MDGA2: variants seen among roughly 807,000 people sequenced by gnomAD.
MDGA2 encodes the protein MAM domain-containing glycosylphosphatidylinositol anchor protein 2.
Under a neutral mutation model 117.8 loss-of-function variants are expected in MDGA2, and 40 were observed. The observed-to-expected ratio is 0.34, with a 90% CI of 0.26 to 0.44. The LOEUF is 0.44. Among genes scored for constraint, MDGA2 ranks in the 20% least tolerant of loss-of-function variants. MDGA2 has a pLI of 1.00. For synonymous variants in MDGA2, 452 were observed against 439.0 expected, an observed-to-expected ratio of 1.03 and a Z score of -0.37; for missense variants, 1,123 against 1,250.6, an observed-to-expected ratio of 0.90 and a Z score of 1.54.
At chr14:47,197,857 C>T (rs1247745206) in intron 3 of MDGA2, among the ~76,000 whole-genome samples, 3 of 151,882 alleles carry the variant, frequency 2.0e-5, no homozygotes, top group African/African-American at 2.4e-5. Context: ...TGCAGTGAGC[C>T]GAGATTGCAC....
chr14:47,217,956 T>G, intron 3 of MDGA2, 65 bp downstream of exon 3: 1 of 1,310,412 alleles, frequency 7.6e-7, no homozygotes, highest in Non-Finnish European at 1.0e-6. Context: ...CAGAAAACCA[T>G]AGACTTGTAA....
At chr14:47,216,145 T>C (rs1045765629) in intron 3 of MDGA2, among the ~76,000 whole-genome samples, 1 of 152,094 alleles carries the variant, frequency 6.6e-6, no homozygotes, top group Non-Finnish European at 1.5e-5. Flanking sequence ...TACTGCAGAC[T>C]AGCAATGAAA....
chr14:47,258,913 T>A (rs538517799), intron 2 of MDGA2, among the ~76,000 whole-genome samples: 1 of 152,062 alleles, frequency 6.6e-6, no homozygotes, highest in African/African-American at 2.4e-5. Flanking sequence ...ACAAAAAGAA[T>A]ATACAGTGCC....
intron 1 of MDGA2, among the ~76,000 whole-genome samples, chr14:47,545,644 T>A (rs1467037273): frequency 6.6e-6 from 1 of 152,182 alleles, no homozygotes; most frequent in Non-Finnish European, 1.5e-5. Flanking sequence ...AAAACACATT[T>A]CAACTCTGTG....
chr14:46,955,133 A>G (rs1423185112), intron 9 of MDGA2, among the ~76,000 whole-genome samples: 1 of 152,080 alleles, frequency 6.6e-6, no homozygotes, highest in East Asian at 1.9e-4. Flanking sequence ...ACTGAAATGC[A>G]TGCTCCAGTT....
chr14:47,217,263 G>A (rs1594730574), intron 3 of MDGA2, among the ~76,000 whole-genome samples: 1 of 151,940 alleles, frequency 6.6e-6, no homozygotes, highest in Admixed American at 6.6e-5. Context: ...TCTTACATCA[G>A]AGACCTAAAA....
At chr14:47,157,820 C>G (rs924830304) in intron 3 of MDGA2, among the ~76,000 whole-genome samples, 49 of 152,200 alleles carry the variant, frequency 3.2e-4, no homozygotes, top group Admixed American at 2.4e-3. Flanking sequence ...GGGCTCCCCC[C>G]CTCACTCAGC....
chr14:47,267,552 T>G (rs1162989676), intron 2 of MDGA2, among the ~76,000 whole-genome samples: 1 of 152,152 alleles, frequency 6.6e-6, no homozygotes, highest in Admixed American at 6.5e-5. Context: ...AATAGAAACT[T>G]TGTCACAATA....
intron 2 of MDGA2, among the ~76,000 whole-genome samples, chr14:47,259,421 A>T (rs1887724439): frequency 6.6e-6 from 1 of 152,144 alleles, no homozygotes; most frequent in Admixed American, 6.6e-5. Flanking sequence ...TAAAATGTGT[A>T]CCAAAAAGAT....
intron 7 of MDGA2, among the ~76,000 whole-genome samples, chr14:47,041,444 G>C (rs1889065195): frequency 6.6e-6 from 1 of 151,956 alleles, no homozygotes. Flanking sequence ...CAATGTACTT[G>C]CTAGAAAAAG....
At chr14:47,234,996 G>A in intron 2 of MDGA2, among the ~76,000 whole-genome samples, 1 of 152,178 alleles carries the variant, frequency 6.6e-6, no homozygotes, top group East Asian at 1.9e-4. Flanking sequence ...TATAATTAGA[G>A]TATGTTGAAA....
intron 2 of MDGA2, among the ~76,000 whole-genome samples, chr14:47,224,822 A>G (rs1356821440): frequency 6.6e-6 from 1 of 152,228 alleles, no homozygotes; most frequent in Admixed American, 6.5e-5. Context: ...AGAGTTTATT[A>G]GAGTTTTCAA....
At chr14:47,287,196 C>A (rs72680302) in intron 2 of MDGA2, among the ~76,000 whole-genome samples, 13,845 of 151,984 alleles carry the variant, frequency 0.091, 781 homozygotes, top group Non-Finnish European at 0.11. Context: ...TTCACTCCCC[C>A]AAACAGCGTC....
intron 3 of MDGA2, among the ~76,000 whole-genome samples, chr14:47,194,284 T>C (rs1885211543): frequency 6.6e-6 from 1 of 152,134 alleles, no homozygotes; most frequent in African/African-American, 2.4e-5. Flanking sequence ...TCATTTCCCA[T>C]TTTTCTTCTG....
chr14:47,448,585 T>C (rs1893176498), intron 1 of MDGA2, among the ~76,000 whole-genome samples: 1 of 152,166 alleles, frequency 6.6e-6, no homozygotes, highest in Admixed American at 6.5e-5. Flanking sequence ...GTTGAAAGGG[T>C]GGTGTACCCT....
intron 1 of MDGA2, among the ~76,000 whole-genome samples, chr14:47,669,160 T>C (rs1898030076): frequency 6.6e-6 from 1 of 152,168 alleles, no homozygotes. Flanking sequence ...GAAAAGTTTA[T>C]TTGTACCCTG....
intron 1 of MDGA2, among the ~76,000 whole-genome samples, chr14:47,433,904 T>C (rs986603101): frequency 2.6e-5 from 4 of 152,134 alleles, no homozygotes; most frequent in African/African-American, 9.6e-5. Flanking sequence ...TATCAGTCAT[T>C]GTAAAGTTTT....
intron 9 of MDGA2, among the ~76,000 whole-genome samples, chr14:46,924,045 T>C (rs1262179622): frequency 6.6e-6 from 1 of 152,074 alleles, no homozygotes; most frequent in Non-Finnish European, 1.5e-5. Context: ...TTTATTCTTA[T>C]ACAATGTTGT....
rs532069349 is a variant in MDGA2, at chr14:47,528,225, ACTG to A, written c.280+146289_280+146291del. 1.5e-3 allele frequency among the ~76,000 whole-genome samples: 232 copies of A among 152,268 alleles called. 1 individual carries two copies. The highest frequency in any genetic ancestry group is 2.7e-3 in the Non-Finnish European group (183 of 68,032). On this transcript the variant is annotated intron_variant, in intron 1 of 16. Transcript: ENST00000399232. Reference sequence around the variant, plus strand: ...CCTTTCTCCTGTACCTAAACACGGCACTGCTAACAGTCACACCTCTGACCCACC... The same window carrying A: ...CCTTTCTCCTGTACCTAAACACGGCACTAACAGTCACACCTCTGACCCACC...
Sources: allele counts gnomAD v4.1 joint callset (sites outside exome capture counted in the v4.1 genomes callset), GRCh38; gene constraint gnomAD v4.1.1; transcripts MANE v1.5; gene names NCBI Gene and HGNC (gene_info 2026-07-23, HGNC 2026-07-21).